Variants in SHISA9 observed in about 807,000 individuals in gnomAD.
The protein encoded by SHISA9 is protein shisa-9.
SHISA9 carries 13 observed loss-of-function variants against 38.0 expected under a neutral mutation model. The ratio of observed to expected loss-of-function variants is 0.34; its 90% confidence interval spans 0.22 to 0.54. SHISA9 has a LOEUF of 0.54. Ranked by LOEUF, SHISA9 falls within the 20% of genes least tolerant of loss-of-function variation. SHISA9 has a pLI of 0.91. For missense variants in SHISA9, 538 were observed against 575.8 expected, an observed-to-expected ratio of 0.93 and a Z score of 0.67; for synonymous variants, 275 against 242.0, an observed-to-expected ratio of 1.14 and a Z score of -1.27.
intron 1 of SHISA9, among the ~76,000 whole-genome samples, chr16:12,905,215 T>C (rs1207229426): frequency 6.6e-6 from 1 of 152,230 alleles, no homozygotes. Flanking sequence ...AATATTCACA[T>C]ACATGCAAGA....
In SHISA9 at chr16:13,107,134, G is replaced by A. The variant is rs184344713; in HGVS notation, c.692-96260G>A. 5.8e-4 allele frequency among the ~76,000 whole-genome samples: 89 copies of A among 152,156 alleles called. 3 individuals carry two copies. The highest frequency in any genetic ancestry group is 3.9e-3 in the East Asian group (20 of 5,170). On this transcript the variant is annotated intron_variant, in intron 2 of 4. Transcript: ENST00000558583. ...GGAATGAACAAAATAATATAAGCTT[G>A]TTAAAGATCAGAGTTGGGCTGGCTG... is the stretch of plus-strand genomic sequence containing the variant.
At chr16:13,394,776 T>C in the SHISA9 span, among the ~76,000 whole-genome samples, 4 of 152,336 alleles carry the variant, frequency 2.6e-5, no homozygotes, top group East Asian at 5.8e-4. Context: ...TATTTGTATT[T>C]AATTGCTGTA....
At chr16:13,200,508 A>G (rs1238879582) in intron 2 of SHISA9, among the ~76,000 whole-genome samples, 1 of 151,932 alleles carries the variant, frequency 6.6e-6, no homozygotes, top group Non-Finnish European at 1.5e-5. Flanking sequence ...CACAGGACCA[A>G]TACTTGGGAA....
intron 2 of SHISA9, among the ~76,000 whole-genome samples, chr16:13,005,368 G>T (rs933609158): frequency 1.2e-4 from 18 of 152,126 alleles, no homozygotes; most frequent in African/African-American, 4.1e-4. Flanking sequence ...TATGGGTGAA[G>T]GGCAACCAAC....
intron 2 of SHISA9, among the ~76,000 whole-genome samples, chr16:13,190,124 C>T (rs1300868329): frequency 6.6e-6 from 1 of 150,802 alleles, no homozygotes; most frequent in Non-Finnish European, 1.5e-5. Flanking sequence ...TACATGTGCA[C>T]GTTGTGCAGG....
At chr16:13,536,057 G>A in the SHISA9 span, among the ~76,000 whole-genome samples, 186 of 149,564 alleles carry the variant, frequency 1.2e-3, no homozygotes, top group African/African-American at 4.4e-3. Context: ...GGAGTTCAAT[G>A]GCACGGTCTC....
chr16:13,078,185 T>C (rs2141931935), intron 2 of SHISA9, among the ~76,000 whole-genome samples: 2 of 152,304 alleles, frequency 1.3e-5, no homozygotes, highest in Non-Finnish European at 2.9e-5. Context: ...CCGCAGGGGA[T>C]TGGTTCCAGG....
chr16:12,959,041 C>T (rs2071873511), intron 2 of SHISA9, among the ~76,000 whole-genome samples: 1 of 152,118 alleles, frequency 6.6e-6, no homozygotes, highest in Non-Finnish European at 1.5e-5. Context: ...ACCTTAAAGG[C>T]CATGGTACAG....
chr16:13,148,689 G>GCGCA (rs6145754), intron 2 of SHISA9, among the ~76,000 whole-genome samples: 3 of 132,540 alleles, frequency 2.3e-5, no homozygotes, highest in Admixed American at 2.2e-4. Flanking sequence ...ACATACACAA[G>GCGCA]CACACACACA....
chr16:13,241,776 G>A (rs1225906341), downstream of SHISA9, among the ~76,000 whole-genome samples: 1 of 152,158 alleles, frequency 6.6e-6, no homozygotes, highest in Non-Finnish European at 1.5e-5. Flanking sequence ...TTGGCCACAG[G>A]GTCACTTAGC....
At chr16:13,265,001 CCTCCT>C in the SHISA9 span, among the ~76,000 whole-genome samples, 1 of 144,964 alleles carries the variant, frequency 6.9e-6, no homozygotes, top group East Asian at 2.1e-4. Flanking sequence ...TCTTCCCTTC[CCTCCT>C]CTCCTCTTCC....
chr16:12,963,654 T>A (rs2071939984), intron 2 of SHISA9, among the ~76,000 whole-genome samples: 1 of 152,186 alleles, frequency 6.6e-6, no homozygotes, highest in African/African-American at 2.4e-5. Context: ...TTTGTAAATG[T>A]GGAGACTGAG....
intron 2 of SHISA9, among the ~76,000 whole-genome samples, chr16:13,113,209 CAAAAAAAA>C (rs35316820): frequency 1.5e-5 from 1 of 65,262 alleles, no homozygotes; most frequent in Non-Finnish European, 2.8e-5. Flanking sequence ...GACTCCATCT[CAAAAAAAA>C]AAAAAAAAAA....
chr16:13,249,212 A>T, the SHISA9 span, among the ~76,000 whole-genome samples: 1 of 152,336 alleles, frequency 6.6e-6, no homozygotes, highest in South Asian at 2.1e-4. Context: ...AGCTGGTCCC[A>T]GTAAGGAAGA....
intron 2 of SHISA9, among the ~76,000 whole-genome samples, chr16:13,107,258 C>T (rs1017827316): frequency 1.3e-5 from 2 of 151,826 alleles, no homozygotes; most frequent in Non-Finnish European, 2.9e-5. Context: ...ATGGTGAAAT[C>T]CCATCTCTAC....
intron 4 of SHISA9, among the ~76,000 whole-genome samples, chr16:13,216,389 G>A (rs568802810): frequency 6.7e-4 from 102 of 152,228 alleles, no homozygotes; most frequent in African/African-American, 2.4e-3. Context: ...TTGAAAACAC[G>A]TGTCATAGTA....
the SHISA9 span, among the ~76,000 whole-genome samples, chr16:13,351,234 T>C: frequency 1.8e-4 from 27 of 152,300 alleles, no homozygotes; most frequent in African/African-American, 6.5e-4. Context: ...CTACACTGCC[T>C]GTCACGAACC....
At chr16:13,341,204 T>G in the SHISA9 span, among the ~76,000 whole-genome samples, 1 of 152,182 alleles carries the variant, frequency 6.6e-6, no homozygotes, top group Non-Finnish European at 1.5e-5. Context: ...GAATCAGGGA[T>G]GTGTAGAGCT....
the SHISA9 span, among the ~76,000 whole-genome samples, chr16:13,264,074 C>T: frequency 6.6e-6 from 1 of 152,158 alleles, no homozygotes; most frequent in Non-Finnish European, 1.5e-5. Context: ...CCTCCTTCCC[C>T]AACATAGTAT....
Sources: gnomAD v4.1 joint callset for allele counts (sites outside exome capture counted in the v4.1 genomes callset) on GRCh38, gnomAD v4.1.1 for gene constraint, MANE v1.5 for transcripts, NCBI Gene and HGNC (gene_info 2026-07-23, HGNC 2026-07-21) for gene names.